PLS1: variants seen among roughly 807,000 people sequenced by gnomAD.
PLS1 encodes plastin 1, also known as plastin-1.
A neutral mutation model predicts 73.7 loss-of-function variants in PLS1; 32 were observed. The ratio of observed to expected loss-of-function variants is 0.43; its 90% CI spans 0.33 to 0.58. The LOEUF (loss-of-function observed/expected upper bound fraction) is 0.58, where lower values mean the gene tolerates loss of function less well. Ranked by LOEUF, PLS1 falls within the 20% of genes least tolerant of loss-of-function variation. PLS1 has a pLI of 0.04. For missense variants in PLS1, 633 were observed against 740.5 expected (o/e 0.85, Z 1.68); for synonymous variants, 217 against 261.3 (o/e 0.83, Z 1.63).
chr3:142,661,333 G>A (rs1444585830), intron 1 of PLS1, among the ~76,000 whole-genome samples: 2 of 152,132 alleles, frequency 1.3e-5, no homozygotes, highest in African/African-American at 4.8e-5. Context: ...CTACTGACTT[G>A]AGCTCTTTAG....
intron 1 of PLS1, among the ~76,000 whole-genome samples, chr3:142,604,790 C>G (rs1363981848): frequency 6.6e-6 from 1 of 151,978 alleles, no homozygotes; most frequent in Non-Finnish European, 1.5e-5. Flanking sequence ...AAATAATTAG[C>G]CAGGCGTGGT....
intron 12 of PLS1, among the ~76,000 whole-genome samples, chr3:142,703,071 T>C (rs1197384882): frequency 1.3e-5 from 2 of 152,170 alleles, no homozygotes; most frequent in Non-Finnish European, 2.9e-5. Context: ...TTGAAGAAAG[T>C]GGGCCAAAAG....
At chr3:142,600,893 TATATATATATATATATA>T (rs1560024323) in intron 1 of PLS1, among the ~76,000 whole-genome samples, 15 of 25,654 alleles carry the variant, frequency 5.8e-4, no homozygotes, top group Admixed American at 1.9e-3. Flanking sequence ...TATATATATA[TATATATATATATATATA>T]TATATATTTT....
At chr3:142,657,125 G>C (rs75799204) in intron 1 of PLS1, 6,746 of 152,256 alleles carry the variant, frequency 0.044, 501 homozygotes, top group African/African-American at 0.15. Flanking sequence ...CTCCATCATC[G>C]GTCTTCAGTG....
intron 1 of PLS1, among the ~76,000 whole-genome samples, chr3:142,613,702 A>G (rs2036163573): frequency 6.6e-6 from 1 of 152,204 alleles, no homozygotes; most frequent in African/African-American, 2.4e-5. Flanking sequence ...CTGAGGTCAT[A>G]GGATGGCATA....
Position 142,684,082 on chromosome 3 carries a change from A to G in PLS1, c.656A>G (p.Lys219Arg). The G allele has an allele frequency of 1.2e-6, 2 of 1,613,900 alleles. No homozygotes were observed. Among genetic ancestry groups the G allele is most frequent in the Non-Finnish European group, 1.7e-6 (2 of 1,179,830 alleles). ...TVVNIGASDLKEGKPHLVLGL... is the reference protein window; with the variant it reads ...TVVNIGASDLREGKPHLVLGL... The stretch of plus-strand genomic sequence containing the variant: ...GTCAACATTGGTGCATCAGATCTCA[A>G]AGAAGGAAAACCTCACTTGGTCTTG... The change falls in exon 7 of 16, where the codon AAA becomes AGA. Residue 219 changes from lysine to arginine, a missense_variant. Physicochemically the swap from Lys to Arg is conservative, Grantham distance 26 (BLOSUM62 2). Transcript: ENST00000457734.
intron 1 of PLS1, among the ~76,000 whole-genome samples, chr3:142,663,905 T>C (rs563602028): frequency 6.6e-6 from 1 of 152,358 alleles, no homozygotes; most frequent in Admixed American, 6.5e-5. Context: ...CTTATTTTCT[T>C]GAAATCGTGG....
intron 10 of PLS1, among the ~76,000 whole-genome samples, chr3:142,692,673 A>G (rs1176195186): frequency 6.6e-6 from 1 of 152,152 alleles, no homozygotes; most frequent in African/African-American, 2.4e-5. Context: ...ATCAAAATGC[A>G]AGTTTAGTTA....
In PLS1 at chr3:142,694,413, A is replaced by C. The variant is rs376560023; in HGVS notation, c.1178-56A>C. 33 of 1,102,600 alleles carry C rather than the reference A, an allele frequency of 3.0e-5. No individual in the cohort carries two copies. In the South Asian group the frequency reaches 4.3e-4, roughly 14 times the overall value. 68.3% of individuals were successfully genotyped at this position (1,102,600 alleles called of 1,614,324 possible). A position where few individuals can be genotyped will look rare whatever the true frequency, so the allele number is the denominator to read the frequency against. On this transcript the variant is annotated intron_variant, in intron 10 of 15. Transcript: ENST00000457734. ...TGTACCTGCTAGAATGGTTTAACAT[A>C]TAGTTCCTGGTTCCTTTTGTCCTGA...
chr3:142,656,905 ATAGGAACAC>A (rs1267063786), intron 1 of PLS1: 3 of 152,244 alleles, frequency 2.0e-5, no homozygotes, highest in Non-Finnish European at 2.9e-5. Context: ...TCAATTCTCC[ATAGGAACAC>A]TATCAAGTCT....
At chr3:142,672,427 C>G (rs1342666817) in intron 4 of PLS1, among the ~76,000 whole-genome samples, 1 of 149,780 alleles carries the variant, frequency 6.7e-6, no homozygotes, top group East Asian at 2.0e-4. Flanking sequence ...ACTGCAAGCT[C>G]CACTTCCCAG....
At chr3:142,668,902 C>G (rs762375024) in intron 2 of PLS1, among the ~76,000 whole-genome samples, 15 of 151,928 alleles carry the variant, frequency 9.9e-5, no homozygotes, top group African/African-American at 3.4e-4. Context: ...GCGCCTGGCC[C>G]CCCCCATGCT....
At chr3:142,656,835 G>T (rs565371422) in intron 1 of PLS1, 1 of 152,164 alleles carries the variant, frequency 6.6e-6, no homozygotes, top group East Asian at 1.9e-4. Context: ...AGGACATGGG[G>T]TACCAGTAGA....
chr3:142,632,862 G>A (rs1204214806), intron 1 of PLS1, among the ~76,000 whole-genome samples: 1 of 152,206 alleles, frequency 6.6e-6, no homozygotes, highest in Non-Finnish European at 1.5e-5. Flanking sequence ...GCCTTCCAAA[G>A]TGCTGGGATT....
intron 1 of PLS1, among the ~76,000 whole-genome samples, chr3:142,641,132 G>A (rs762463975): frequency 6.8e-6 from 1 of 147,588 alleles, no homozygotes; most frequent in Non-Finnish European, 1.5e-5. Flanking sequence ...CTGTACTCCA[G>A]CCTGGGTGAC....
intron 6 of PLS1, 151 bp from the exon 7 acceptor site, chr3:142,683,855 G>A: frequency 2.0e-6 from 1 of 494,620 alleles, no homozygotes; most frequent in Non-Finnish European, 3.5e-6. Context: ...AAAACCATGT[G>A]TTTTTTTTTT....
chr3:142,678,115 TA>T lies in PLS1; in HGVS notation c.579+4del. ...AAGCTCACGCCATTCACTATTTCTG[TA>T]AGTATTTGCCCTTTGCTTATTATCA... On this transcript the variant is annotated splice_donor_region_variant and intron_variant, in intron 6 of 15. Coordinates refer to ENST00000457734, the MANE Select transcript of PLS1 (RefSeq NM_001145319.2). The T allele has an allele frequency of 6.8e-7, 1 of 1,462,326 alleles. No homozygotes were observed. The highest frequency in any genetic ancestry group is 9.4e-7 in the Non-Finnish European group (1 of 1,067,876). The allele number at this position is 1,462,326 out of a possible 1,614,324, so 90.6% of individuals were successfully genotyped here. A position where few individuals can be genotyped will look rare whatever the true frequency, so the allele number is the denominator to read the frequency against.
At chr3:142,634,331 C>T (rs1330409497) in intron 1 of PLS1, among the ~76,000 whole-genome samples, 2 of 151,962 alleles carry the variant, frequency 1.3e-5, no homozygotes, top group Admixed American at 6.6e-5. Flanking sequence ...CTCAGTGAAC[C>T]CCAAACAAAA....
At chr3:142,693,849 T>G (rs2038137391) in intron 10 of PLS1, among the ~76,000 whole-genome samples, 1 of 152,130 alleles carries the variant, frequency 6.6e-6, no homozygotes, top group Non-Finnish European at 1.5e-5. Context: ...CAACCTGTAT[T>G]GGGTCTGTGT....
Sources: allele counts gnomAD v4.1 joint callset (sites outside exome capture counted in the v4.1 genomes callset), GRCh38; gene constraint gnomAD v4.1.1; transcripts MANE v1.5; gene names NCBI Gene and HGNC (gene_info 2026-07-23, HGNC 2026-07-21).